TBCA: variants seen among roughly 807,000 people sequenced by gnomAD.
The protein encoded by TBCA is tubulin folding cofactor A.
A neutral mutation model predicts 15.8 loss-of-function variants in TBCA; 6 were observed. The ratio of observed to expected loss-of-function variants is 0.38; its 90% CI spans 0.21 to 0.75. The LOEUF is 0.75. Among genes scored for constraint, TBCA ranks in the 30% least tolerant of loss-of-function variants. TBCA has a pLI of 0.46. For synonymous variants in TBCA, 32 were observed against 42.3 expected (o/e 0.76, Z 0.94); for missense variants, 90 against 131.2 (o/e 0.69, Z 1.53).
chr5:77,693,124 A>G, intron 3 of TBCA, 142 bp downstream of exon 3: 1 of 1,500,946 alleles, frequency 6.7e-7, no homozygotes, highest in East Asian at 2.5e-5. Flanking sequence ...TCCATTAATT[A>G]TTTTAAAATA....
chr5:77,691,952 T>C (rs551151924), intron 3 of TBCA: 198 of 986,864 alleles, frequency 2.0e-4, no homozygotes, highest in Non-Finnish European at 2.3e-4. Flanking sequence ...GAGTTAAATA[T>C]AATCTTTGAA....
At chr5:77,759,031 T>C (rs1299444892) in intron 1 of TBCA, among the ~76,000 whole-genome samples, 1 of 152,134 alleles carries the variant, frequency 6.6e-6, no homozygotes, top group East Asian at 1.9e-4. Flanking sequence ...TGCCAAACCA[T>C]CACCTGACGG....
chr5:77,747,885 A>T (rs1024488351), intron 1 of TBCA, among the ~76,000 whole-genome samples: 4 of 152,168 alleles, frequency 2.6e-5, no homozygotes, highest in African/African-American at 9.6e-5. Flanking sequence ...CTTGTTCAGC[A>T]TATCTGTATG....
At chr5:77,699,033 CAAAAAAAAA>C (rs71608119) in intron 2 of TBCA, among the ~76,000 whole-genome samples, 4 of 70,100 alleles carry the variant, frequency 5.7e-5, no homozygotes, top group Admixed American at 1.9e-4. Context: ...GCAAGAGCAT[CAAAAAAAAA>C]AAAAAAAAAA....
chr5:77,744,531 C>CTTTTTTTTTTT (rs70991305), intron 1 of TBCA, among the ~76,000 whole-genome samples: 4 of 82,966 alleles, frequency 4.8e-5, no homozygotes, highest in East Asian at 3.5e-4. Flanking sequence ...TCTTATTCAC[C>CTTTTTTTTTTT]TTTTTTTTTT....
At chr5:77,715,001 CA>C (rs1180944713) in intron 1 of TBCA, among the ~76,000 whole-genome samples, 9 of 152,072 alleles carry the variant, frequency 5.9e-5, no homozygotes, top group African/African-American at 2.2e-4. Context: ...AAATATGTAA[CA>C]TGTTAGATTG....
chr5:77,734,841 C>G (rs988945982), intron 1 of TBCA, among the ~76,000 whole-genome samples: 5 of 152,152 alleles, frequency 3.3e-5, no homozygotes, highest in Non-Finnish European at 7.3e-5. Flanking sequence ...AAGAAATTGC[C>G]ACAGCCACCC....
chr5:77,771,352 C>T (rs1192691501), intron 1 of TBCA, among the ~76,000 whole-genome samples: 1 of 152,260 alleles, frequency 6.6e-6, no homozygotes, highest in East Asian at 1.9e-4. Context: ...AGGCTTAGCA[C>T]CAATTCAGCC....
At chr5:77,745,408 T>C (rs1018785789) in intron 1 of TBCA, among the ~76,000 whole-genome samples, 1 of 152,230 alleles carries the variant, frequency 6.6e-6, no homozygotes, top group South Asian at 2.1e-4. Context: ...AAGTACTGTC[T>C]TTGCCACTAA....
At chr5:77,729,614 G>C (rs1014726796) in intron 1 of TBCA, among the ~76,000 whole-genome samples, 1 of 152,170 alleles carries the variant, frequency 6.6e-6, no homozygotes, top group Non-Finnish European at 1.5e-5. Flanking sequence ...AAGAAAAAAA[G>C]TTCCTTTGCT....
chr5:77,734,302 A>G (rs149290289), intron 1 of TBCA, among the ~76,000 whole-genome samples: 27 of 152,386 alleles, frequency 1.8e-4, no homozygotes, highest in Non-Finnish European at 3.5e-4. Context: ...TTGCTGCCAT[A>G]GACAGTTATT....
At chr5:77,731,385 CA>C (rs1228507644) in intron 1 of TBCA, among the ~76,000 whole-genome samples, 1 of 152,130 alleles carries the variant, frequency 6.6e-6, no homozygotes, top group Non-Finnish European at 1.5e-5. Flanking sequence ...TCCTCAACTG[CA>C]AAGCAAGGAT....
chr5:77,762,719 A>G (rs1747669924), intron 1 of TBCA, among the ~76,000 whole-genome samples: 1 of 152,130 alleles, frequency 6.6e-6, no homozygotes, highest in East Asian at 1.9e-4. Flanking sequence ...ACAAACCACT[A>G]TCTATAGGCC....
chr5:77,712,767 T>TA (rs1746311139), intron 1 of TBCA, among the ~76,000 whole-genome samples: 1 of 152,162 alleles, frequency 6.6e-6, no homozygotes, highest in Non-Finnish European at 1.5e-5. Context: ...TGTGAATAGT[T>TA]ACGTTTCACT....
chr5:77,746,265 T>TG (rs1374862919), intron 1 of TBCA, among the ~76,000 whole-genome samples: 7 of 152,024 alleles, frequency 4.6e-5, no homozygotes, highest in African/African-American at 1.7e-4. Flanking sequence ...CCCGTCTCTA[T>TG]GAAAAAAATA....
intron 1 of TBCA, among the ~76,000 whole-genome samples, chr5:77,752,536 GTTTTGT>G (rs1169424359): frequency 2.9e-5 from 1 of 34,398 alleles, no homozygotes; most frequent in Non-Finnish European, 5.9e-5. Flanking sequence ...GCTTATTTTT[GTTTTGT>G]TTTGTTTTGT....
intron 1 of TBCA, among the ~76,000 whole-genome samples, chr5:77,726,713 A>G (rs1185245363): frequency 6.6e-6 from 1 of 152,190 alleles, no homozygotes; most frequent in Non-Finnish European, 1.5e-5. Context: ...CTCATTCACT[A>G]AAGGAGAAGC....
chr5:77,734,144 A>G (rs1382848223), intron 1 of TBCA, among the ~76,000 whole-genome samples: 2 of 152,244 alleles, frequency 1.3e-5, no homozygotes, highest in African/African-American at 4.8e-5. Context: ...CAGTGCACCT[A>G]GTCAGCCAAA....
intron 1 of TBCA, among the ~76,000 whole-genome samples, chr5:77,726,749 G>A (rs1746638289): frequency 6.6e-6 from 1 of 152,102 alleles, no homozygotes; most frequent in Admixed American, 6.5e-5. Flanking sequence ...TTCAGTTTAA[G>A]TGCAAGGATT....
Sources: allele counts gnomAD v4.1 joint callset (sites outside exome capture counted in the v4.1 genomes callset), GRCh38; gene constraint gnomAD v4.1.1; transcripts MANE v1.5; gene names NCBI Gene and HGNC (gene_info 2026-07-23, HGNC 2026-07-21).